Variants in CORO1C observed in about 807,000 individuals in gnomAD.
CORO1C encodes the protein coronin-1C.
A neutral mutation model predicts 51.2 loss-of-function variants in CORO1C; 14 were observed. The ratio of observed to expected loss-of-function variants is 0.27; its 90% CI spans 0.18 to 0.43. CORO1C has a LOEUF of 0.43. Among genes scored for constraint, CORO1C ranks in the 20% least tolerant of loss-of-function variants. CORO1C has a pLI of 1.00. For missense variants in CORO1C, 417 were observed against 607.8 expected (o/e 0.69, Z 3.30); for synonymous variants, 181 against 210.5 (o/e 0.86, Z 1.21).
intron 3 of CORO1C, among the ~76,000 whole-genome samples, chr12:108,674,526 C>A (rs937748737): frequency 7.0e-6 from 1 of 143,338 alleles, no homozygotes; most frequent in Non-Finnish European, 1.5e-5. Flanking sequence ...CCAGCCTGGG[C>A]GACAGAGCGA....
intron 1 of CORO1C, among the ~76,000 whole-genome samples, chr12:108,713,732 A>C (rs2035249636): frequency 6.6e-6 from 1 of 152,236 alleles, no homozygotes; most frequent in African/African-American, 2.4e-5. Context: ...AGTACGGAGC[A>C]GTTCCAACTT....
intron 2 of CORO1C, chr12:108,700,874 C>A: frequency 2.5e-6 from 1 of 400,364 alleles, no homozygotes; most frequent in Non-Finnish European, 4.5e-6. Flanking sequence ...CCTGCCCATG[C>A]TCACAACATC....
chr12:108,693,279 A>T (rs1046446106), intron 2 of CORO1C, among the ~76,000 whole-genome samples: 2 of 152,220 alleles, frequency 1.3e-5, no homozygotes, highest in African/African-American at 4.8e-5. Flanking sequence ...ACAACTGTAG[A>T]ACAGAGGAAT....
At chr12:108,693,089 C>T (rs775589468) in intron 2 of CORO1C, among the ~76,000 whole-genome samples, 17 of 152,102 alleles carry the variant, frequency 1.1e-4, no homozygotes, top group Non-Finnish European at 2.2e-4. Flanking sequence ...TGAGCCACCG[C>T]GCCCGGCTAA....
At chr12:108,648,027 G>A (rs1045206822) in intron 10 of CORO1C, among the ~76,000 whole-genome samples, 2 of 151,982 alleles carry the variant, frequency 1.3e-5, no homozygotes, top group African/African-American at 4.8e-5. Context: ...CTGCTCTCCC[G>A]GCAACAGCAG....
intron 1 of CORO1C, among the ~76,000 whole-genome samples, chr12:108,709,298 T>C (rs116054557): frequency 1.1e-3 from 167 of 152,298 alleles, no homozygotes; most frequent in African/African-American, 3.7e-3. Flanking sequence ...AGCCCAGTAA[T>C]AGCTTTTCCC....
intron 1 of CORO1C, among the ~76,000 whole-genome samples, chr12:108,705,238 G>T (rs2034992074): frequency 2.0e-5 from 3 of 152,012 alleles, no homozygotes; most frequent in African/African-American, 4.8e-5. Flanking sequence ...CCACACTTTG[G>T]GAGGCCGAGG....
intron 1 of CORO1C, among the ~76,000 whole-genome samples, chr12:108,702,634 T>A (rs145270979): frequency 1.8e-4 from 27 of 152,310 alleles, no homozygotes; most frequent in Non-Finnish European, 3.7e-4. Context: ...CAGCTGAAAA[T>A]CAGATCCTCA....
At position 108,698,357 on chromosome 12, in the gene CORO1C, T is replaced by C. The variant is rs561780471; in HGVS notation, c.195+2767A>G. On this transcript the variant is annotated intron_variant, in intron 2 of 10. Transcript: ENST00000261401. Reference sequence around the variant, plus strand: ...GAAATCACTTCATAGCTGAGAACCATGGAAGGTGAGAAGCATTTCTGACAT... The same window carrying C: ...GAAATCACTTCATAGCTGAGAACCACGGAAGGTGAGAAGCATTTCTGACAT... 3.9e-5 allele frequency among the ~76,000 whole-genome samples: 6 copies of C among 152,348 alleles called. No individual in the cohort carries two copies. In the South Asian group the frequency reaches 8.3e-4, roughly 21 times the overall value.
chr12:108,672,400 A>C (rs377716541), intron 3 of CORO1C, among the ~76,000 whole-genome samples: 61 of 152,274 alleles, frequency 4.0e-4, no homozygotes, highest in African/African-American at 1.4e-3. Context: ...AAAGTCGTTT[A>C]GTTTTTTAAC....
chr12:108,713,666 T>C (rs2035247961), intron 1 of CORO1C, among the ~76,000 whole-genome samples: 1 of 152,214 alleles, frequency 6.6e-6, no homozygotes, highest in Non-Finnish European at 1.5e-5. Context: ...TGAAGACGTA[T>C]AACTCCTCCA....
intron 1 of CORO1C, among the ~76,000 whole-genome samples, chr12:108,718,214 G>A (rs1322719414): frequency 6.6e-6 from 1 of 152,094 alleles, no homozygotes; most frequent in Non-Finnish European, 1.5e-5. Flanking sequence ...TTAGCCAGGC[G>A]TGGCAGTGGG....
chr12:108,662,305 C>A, intron 3 of CORO1C, 147 bp from the exon 4 acceptor site: 1 of 723,976 alleles, frequency 1.4e-6, no homozygotes, highest in South Asian at 1.9e-5. Context: ...TGTGAAATGA[C>A]CGTGTTAGGC....
intron 1 of CORO1C, among the ~76,000 whole-genome samples, chr12:108,715,549 T>C (rs763577158): frequency 6.6e-6 from 1 of 152,094 alleles, no homozygotes; most frequent in Non-Finnish European, 1.5e-5. Context: ...AACCACCTCT[T>C]TTGGTCCCTG....
intron 7 of CORO1C, among the ~76,000 whole-genome samples, chr12:108,654,043 A>G (rs2032814241): frequency 6.6e-6 from 1 of 152,172 alleles, no homozygotes; most frequent in South Asian, 2.1e-4. Flanking sequence ...CCCTGATTGG[A>G]GCATTTTCCC....
intron 1 of CORO1C, among the ~76,000 whole-genome samples, chr12:108,725,589 C>T (rs879696631): frequency 1.2e-4 from 18 of 152,150 alleles, no homozygotes; most frequent in African/African-American, 2.7e-4. Context: ...TGCACCCTCA[C>T]GGCCTCAGTT....
chr12:108,719,478 T>G (rs918933440), intron 1 of CORO1C, among the ~76,000 whole-genome samples: 1 of 152,246 alleles, frequency 6.6e-6, no homozygotes, highest in African/African-American at 2.4e-5. Context: ...TTTTAACAGT[T>G]GTAGTGGTGC....
At chr12:108,654,453 A>G (rs1198822634) in intron 6 of CORO1C, 43 bp from the exon 7 acceptor site, 2 of 1,110,546 alleles carry the variant, frequency 1.8e-6, no homozygotes, top group Non-Finnish European at 2.6e-6. Context: ...GTATGTATAC[A>G]TTTTTTTAAA....
At chr12:108,664,816 GGACT>G (rs1320180452) in intron 3 of CORO1C, among the ~76,000 whole-genome samples, 1 of 152,172 alleles carries the variant, frequency 6.6e-6, no homozygotes, top group Non-Finnish European at 1.5e-5. Flanking sequence ...ATATAAAGCA[GGACT>G]GACATTTTGA....
Sources: allele counts gnomAD v4.1 joint callset (sites outside exome capture counted in the v4.1 genomes callset), GRCh38; gene constraint gnomAD v4.1.1; transcripts MANE v1.5; gene names NCBI Gene and HGNC (gene_info 2026-07-23, HGNC 2026-07-21).